Variants in RP1 observed in about 807,000 individuals in gnomAD.
RP1 encodes the protein oxygen-regulated protein 1.
RP1 carries 16 observed loss-of-function variants against 14.8 expected under a neutral mutation model. That is an observed-to-expected ratio of 1.08 (90% CI 0.73 to 1.65). RP1 has a LOEUF of 1.65. RP1 is among the 40% of genes most tolerant of loss of function. RP1 has a pLI of 0.00. For synonymous variants in RP1, 876 were observed against 883.6 expected (o/e 0.99, Z 0.15); for missense variants, 2,631 against 2,535.0 (o/e 1.04, Z -0.81).
chr8:54,832,485 T>C (rs922925953), intron 24 of RP1, among the ~76,000 whole-genome samples: 1 of 151,946 alleles, frequency 6.6e-6, no homozygotes, highest in Non-Finnish European at 1.5e-5. Context: ...AATTTCTAGA[T>C]AGCACTTGAC....
At chr8:54,623,220 G>A (rs1037512273) in intron 3 of RP1, among the ~76,000 whole-genome samples, 3 of 151,998 alleles carry the variant, frequency 2.0e-5, no homozygotes, top group African/African-American at 4.8e-5. Context: ...GCTATTTCAC[G>A]TTTGTCATTT....
At chr8:54,780,876 T>A in intron 23 of RP1, 1 of 970,570 alleles carries the variant, frequency 1.0e-6, no homozygotes, top group Non-Finnish European at 1.2e-6. Flanking sequence ...GTTTTACATA[T>A]ACTGATTGCA....
At chr8:54,699,876 A>AT (rs1286367862) in intron 13 of RP1, among the ~76,000 whole-genome samples, 2 of 152,190 alleles carry the variant, frequency 1.3e-5, no homozygotes, top group Non-Finnish European at 2.9e-5. Context: ...AAAAACAATA[A>AT]TTTTTTATAG....
chr8:54,847,373 G>A (rs1265500445), intron 25 of RP1, among the ~76,000 whole-genome samples: 1 of 152,040 alleles, frequency 6.6e-6, no homozygotes, highest in Non-Finnish European at 1.5e-5. Flanking sequence ...GAGGCCCCAG[G>A]GCCCTCAGGG....
chr8:54,596,837 T>C (rs1805159583), intron 1 of RP1, among the ~76,000 whole-genome samples: 2 of 152,244 alleles, frequency 1.3e-5, no homozygotes, highest in Non-Finnish European at 2.9e-5. Context: ...TCTATTGTTA[T>C]GTTATTTTGG....
rs1332296095 is a variant in RP1 at position 54,863,869 on chromosome 8, C to T, written c.4070-1966C>T. Among the ~76,000 whole-genome samples the T allele has an allele frequency of 2.2e-4, 34 of 152,208 alleles. 1 individual carries two copies. The highest frequency in any genetic ancestry group is 2.2e-3 in the Admixed American group (33 of 15,276). The stretch of plus-strand genomic sequence containing the variant: ...CATTCTCATCAGCAACCAGTCACAT[C>T]ACTTCTTCCAATGTCTGTCTGTTGG... On this transcript the variant is annotated intron_variant, in intron 27 of 28. Coordinates refer to the RP1 transcript ENST00000637698.
intron 1 of RP1, among the ~76,000 whole-genome samples, chr8:54,585,421 C>T (rs1369638888): frequency 6.6e-6 from 1 of 152,168 alleles, no homozygotes; most frequent in Non-Finnish European, 1.5e-5. Flanking sequence ...TCTCTGGCTG[C>T]CCTTAACATT....
chr8:54,817,828 T>G (rs1452639604), intron 24 of RP1, among the ~76,000 whole-genome samples: 6 of 152,240 alleles, frequency 3.9e-5, no homozygotes, highest in African/African-American at 9.6e-5. Context: ...TAATATGTAC[T>G]CTTCATTTTA....
At chr8:54,579,615 T>G (rs1006703500) in intron 1 of RP1, among the ~76,000 whole-genome samples, 8 of 152,194 alleles carry the variant, frequency 5.3e-5, no homozygotes, top group African/African-American at 1.9e-4. Flanking sequence ...AAGTCTGTTC[T>G]GATCCTGATT....
In RP1 at chr8:54,755,617, A is replaced by T; in HGVS notation, c.2942-2A>T. 1 of 1,535,864 alleles carries T rather than the reference A, an allele frequency of 6.5e-7. No individual in the cohort carries two copies. Among genetic ancestry groups the T allele is most frequent in the African/African-American group, 1.4e-5 (1 of 73,112 alleles). The stretch of plus-strand genomic sequence containing the variant: ...TATTTTCTCTCCCTGTTGCTTTGCC[A>T]GTAGTGAGATACCAGGTTGACGTCT... On this transcript the variant is annotated splice_acceptor_variant, in intron 20 of 22. Coordinates refer to the RP1 transcript ENST00000636932. LOFTEE classifies it high-confidence loss of function.
chr8:54,787,491 C>T (rs1810349906), intron 24 of RP1, among the ~76,000 whole-genome samples: 1 of 152,082 alleles, frequency 6.6e-6, no homozygotes, highest in Admixed American at 6.6e-5. Flanking sequence ...TGTGATCCTT[C>T]TCACTCTGAG....
At chr8:54,833,571 G>T (rs550335594) in intron 24 of RP1, among the ~76,000 whole-genome samples, 2 of 152,082 alleles carry the variant, frequency 1.3e-5, no homozygotes, top group Admixed American at 1.3e-4. Context: ...TGCTATGTTA[G>T]AAAAAGTTAA....
intron 24 of RP1, among the ~76,000 whole-genome samples, chr8:54,813,118 G>A (rs1182183483): frequency 1.3e-5 from 2 of 152,212 alleles, no homozygotes; most frequent in Admixed American, 1.3e-4. Context: ...GAAGCCGTAG[G>A]CATTGAACTC....
At chr8:54,744,974 C>T (rs1018857745) in intron 19 of RP1, among the ~76,000 whole-genome samples, 2 of 152,066 alleles carry the variant, frequency 1.3e-5, no homozygotes, top group East Asian at 1.9e-4. Flanking sequence ...GACTTTGGTA[C>T]TAAAATAAAC....
At chr8:54,670,592 T>C (rs866761253) in intron 7 of RP1, among the ~76,000 whole-genome samples, 3 of 130,796 alleles carry the variant, frequency 2.3e-5, no homozygotes, top group Non-Finnish European at 3.4e-5. Context: ...TGTATATATA[T>C]ACATATATAT....
At chr8:54,568,254 C>T (rs756821465) in intron 1 of RP1, among the ~76,000 whole-genome samples, 16 of 152,048 alleles carry the variant, frequency 1.1e-4, no homozygotes, top group Middle Eastern at 3.4e-3. Context: ...CAGGTGGCTG[C>T]GACAGAGATT....
At chr8:54,859,541 G>C (rs1165294076) in intron 27 of RP1, among the ~76,000 whole-genome samples, 1 of 150,962 alleles carries the variant, frequency 6.6e-6, no homozygotes. Flanking sequence ...TGTCACTGTA[G>C]AGCAGTGTCA....
chr8:54,865,869 G>A (rs1251041551), exon 28 of RP1: 41 of 1,229,904 alleles, frequency 3.3e-5, no homozygotes, highest in Non-Finnish European at 4.1e-5. Context: ...TTGTTGTTAA[G>A]TCTGAAGATG....
At chr8:54,815,161 T>C (rs1811110234) in intron 24 of RP1, among the ~76,000 whole-genome samples, 1 of 152,240 alleles carries the variant, frequency 6.6e-6, no homozygotes, top group African/African-American at 2.4e-5. Flanking sequence ...TAAGTTAAAA[T>C]CAACCCTTAA....
Sources: allele counts gnomAD v4.1 joint callset (sites outside exome capture counted in the v4.1 genomes callset), GRCh38; gene constraint gnomAD v4.1.1; transcripts MANE v1.5; gene names NCBI Gene and HGNC (gene_info 2026-07-23, HGNC 2026-07-21).